WBP1L: variants seen among roughly 807,000 people sequenced by gnomAD.
WBP1L encodes the protein WW domain binding protein 1-like.
A neutral mutation model predicts 33.7 loss-of-function variants in WBP1L; 17 were observed. That is an observed-to-expected ratio of 0.50 (90% CI 0.34 to 0.76). WBP1L has a LOEUF of 0.76. WBP1L is among the 30% of genes least tolerant of loss of function. The probability of loss-of-function intolerance (pLI) is 0.01; values close to 1 mark genes in which losing one functional copy is unlikely to be tolerated. For synonymous variants in WBP1L, 173 were observed against 190.8 expected (o/e 0.91, Z 0.77); for missense variants, 389 against 469.4 (o/e 0.83, Z 1.58).
intron 1 of WBP1L, among the ~76,000 whole-genome samples, chr10:102,768,848 C>T (rs376279336): frequency 1.0e-3 from 153 of 151,374 alleles, no homozygotes; most frequent in African/African-American, 3.3e-3. Flanking sequence ...CCACCACGCC[C>T]GGCTAATTTT....
At chr10:102,763,763 T>TA (rs1014094996) in intron 1 of WBP1L, among the ~76,000 whole-genome samples, 3 of 152,212 alleles carry the variant, frequency 2.0e-5, no homozygotes, top group African/African-American at 7.2e-5. Context: ...AAGGAGCAGC[T>TA]AAAATGGATG....
intron 1 of WBP1L, among the ~76,000 whole-genome samples, chr10:102,769,421 T>C (rs1843158584): frequency 1.3e-5 from 2 of 151,930 alleles, no homozygotes; most frequent in Non-Finnish European, 2.9e-5. Context: ...TGAGCTCCTC[T>C]TGTGTGACTG....
At chr10:102,756,254 A>C (rs928520737) in intron 1 of WBP1L, among the ~76,000 whole-genome samples, 1 of 152,192 alleles carries the variant, frequency 6.6e-6, no homozygotes, top group African/African-American at 2.4e-5. Flanking sequence ...TACTAAAAGT[A>C]CAAAAGTTAG....
chr10:102,761,076 TTG>T (rs1168684156), intron 1 of WBP1L, among the ~76,000 whole-genome samples: 2 of 151,916 alleles, frequency 1.3e-5, no homozygotes, highest in African/African-American at 4.8e-5. Flanking sequence ...TTTTAATTTT[TTG>T]TGTTTTTTGG....
intron 2 of WBP1L, among the ~76,000 whole-genome samples, chr10:102,805,755 G>A (rs1843723898): frequency 6.6e-6 from 1 of 151,102 alleles, no homozygotes; most frequent in Non-Finnish European, 1.5e-5. Context: ...AAAATTAGTG[G>A]GGTGTGGTGG....
chr10:102,785,434 A>C (rs944556431), intron 1 of WBP1L, among the ~76,000 whole-genome samples: 4 of 149,454 alleles, frequency 2.7e-5, no homozygotes, highest in African/African-American at 1.0e-4. Flanking sequence ...TGATCCACCT[A>C]GCTCGGCCTC....
At chr10:102,747,134 C>T (rs1271624525) in intron 1 of WBP1L, among the ~76,000 whole-genome samples, 2 of 152,108 alleles carry the variant, frequency 1.3e-5, no homozygotes, top group East Asian at 3.9e-4. Flanking sequence ...GAGGCCAAGG[C>T]AGGCAGATCA....
intron 1 of WBP1L, among the ~76,000 whole-genome samples, chr10:102,752,762 C>G (rs12269418): frequency 0.017 from 2,561 of 152,240 alleles, 75 homozygotes; most frequent in African/African-American, 0.059. Flanking sequence ...TTGGTTTGCT[C>G]TCACGCACGC....
intron 1 of WBP1L, among the ~76,000 whole-genome samples, chr10:102,786,140 T>C (rs1018586951): frequency 6.6e-6 from 1 of 152,234 alleles, no homozygotes; most frequent in African/African-American, 2.4e-5. Flanking sequence ...GTAGTTGCAG[T>C]GCAGCTTTGG....
At chr10:102,757,483 C>T (rs1477406405) in intron 1 of WBP1L, among the ~76,000 whole-genome samples, 2 of 150,872 alleles carry the variant, frequency 1.3e-5, no homozygotes, top group Non-Finnish European at 1.5e-5. Flanking sequence ...ATACACAGTA[C>T]TGTGCTGCAG....
intron 1 of WBP1L, among the ~76,000 whole-genome samples, chr10:102,756,800 G>A (rs1489511971): frequency 6.6e-6 from 1 of 152,002 alleles, no homozygotes; most frequent in Non-Finnish European, 1.5e-5. Flanking sequence ...CGGGTCCACT[G>A]GCTCACGCCT....
At chr10:102,807,238 A>G (rs1843749851) in intron 2 of WBP1L, among the ~76,000 whole-genome samples, 1 of 152,160 alleles carries the variant, frequency 6.6e-6, no homozygotes, top group Non-Finnish European at 1.5e-5. Context: ...TTAGTTGAGA[A>G]AAAAATATTC....
At chr10:102,778,873 GT>G (rs1431471633) in intron 1 of WBP1L, among the ~76,000 whole-genome samples, 2 of 152,026 alleles carry the variant, frequency 1.3e-5, no homozygotes, top group Non-Finnish European at 2.9e-5. Context: ...CCATATGATT[GT>G]TTTTTCCCCT....
chr10:102,768,102 G>C (rs1160810220), intron 1 of WBP1L, among the ~76,000 whole-genome samples: 1 of 152,068 alleles, frequency 6.6e-6, no homozygotes, highest in African/African-American at 2.4e-5. Context: ...ACGAATTCTT[G>C]CTCTGTTGCC....
intron 1 of WBP1L, among the ~76,000 whole-genome samples, chr10:102,777,970 C>T (rs1843289370): frequency 6.6e-6 from 1 of 152,196 alleles, no homozygotes; most frequent in Non-Finnish European, 1.5e-5. Flanking sequence ...GCTGTGTCAG[C>T]AGGCTGGTAG....
intron 1 of WBP1L, 33 bp from the exon 2 acceptor site, chr10:102,797,960 T>G: frequency 2.5e-6 from 4 of 1,584,578 alleles, no homozygotes; most frequent in Non-Finnish European, 3.5e-6. Context: ...AAGCTGTCAT[T>G]TAATATGCTA....
chr10:102,745,290 A>G (rs1842852751), intron 1 of WBP1L, among the ~76,000 whole-genome samples: 1 of 152,218 alleles, frequency 6.6e-6, no homozygotes, highest in Admixed American at 6.5e-5. Context: ...ATTTTAAAAT[A>G]CTGATTAAAA....
At chr10:102,793,661 T>G (rs188888384) in intron 1 of WBP1L, among the ~76,000 whole-genome samples, 1 of 152,296 alleles carries the variant, frequency 6.6e-6, no homozygotes, top group East Asian at 1.9e-4. Context: ...TCAGCAATAG[T>G]GGCTCACAGA....
At chr10:102,797,917 C>T in intron 1 of WBP1L, 76 bp from the exon 2 acceptor site, 1 of 1,319,872 alleles carries the variant, frequency 7.6e-7, no homozygotes, top group Non-Finnish European at 1.1e-6. Context: ...AATAGACAAC[C>T]AGGAGGACAA....
Sources: gnomAD v4.1 joint callset for allele counts (sites outside exome capture counted in the v4.1 genomes callset) on GRCh38, gnomAD v4.1.1 for gene constraint, MANE v1.5 for transcripts, NCBI Gene and HGNC (gene_info 2026-07-23, HGNC 2026-07-21) for gene names.